The following PRH1 variants were observed in gnomAD, a reference collection of about 807,000 sequenced individuals.
PRH1 encodes salivary acidic proline-rich phosphoprotein 1/2.
In PRH1, 7 loss-of-function variants were observed where a neutral mutation model predicts 7.9. That is an observed-to-expected ratio of 0.89 (90% confidence interval 0.50 to 1.67). The LOEUF (loss-of-function observed/expected upper bound fraction) is 1.67, where lower values mean the gene tolerates loss of function less well. Among genes scored for constraint, PRH1 ranks in the 40% most tolerant of loss-of-function variants. The pLI is 0.00. For synonymous variants in PRH1, 45 were observed against 80.8 expected (o/e 0.56, Z 2.38); for missense variants, 109 against 223.6 (o/e 0.49, Z 3.27).
intron 1 of PRH1, among the ~76,000 whole-genome samples, chr12:11,099,962 C>T (rs533977167): frequency 1.3e-5 from 2 of 152,238 alleles, no homozygotes; most frequent in East Asian, 3.9e-4. Flanking sequence ...CTGCGCTTGG[C>T]AGATAACATC....
Position 11,088,351 on chromosome 12 carries a change from C to CAAT in PRH1, n.124-41166_124-41164dup, listed in dbSNP as rs749481047. ...ATGAGACCCTGTCTCAAAATAATAGCAATAATAATAATAATATATTACTTG... is the reference window on the plus strand; with the variant it reads ...ATGAGACCCTGTCTCAAAATAATAGCAATAATAATAATAATAATATATTACTTG... On this transcript the variant is annotated intron_variant and non_coding_transcript_variant, in intron 1 of 4. Transcript: ENST00000541977. Among the ~76,000 whole-genome samples the CAAT allele has an allele frequency of 3.8e-4, 38 of 99,892 alleles. 2 individuals are homozygous for CAAT. The East Asian group carries it at 5.6e-3, about 15-fold the overall frequency. The allele number at this position is 99,892 out of a possible 152,430, so 65.5% of individuals were successfully genotyped here. A position where few individuals can be genotyped will look rare whatever the true frequency, so the allele number is the denominator to read the frequency against.
intron 2 of PRH1, among the ~76,000 whole-genome samples, chr12:10,967,041 G>A (rs550889695): frequency 3.3e-5 from 5 of 150,920 alleles, no homozygotes; most frequent in Non-Finnish European, 7.4e-5. Context: ...TGTGAACCCC[G>A]GAGGCGGAGC....
At chr12:10,991,495 G>A (rs12311627) in intron 1 of PRH1, among the ~76,000 whole-genome samples, 43,966 of 151,790 alleles carry the variant, frequency 0.29, 8,225 homozygotes, top group East Asian at 0.74. Flanking sequence ...TTGATGCTCC[G>A]ACCTTCTCCA....
In PRH1 at chr12:10,906,216, G is replaced by A. The variant is rs1198140468; in HGVS notation, c.-58-21941C>T. Among the ~76,000 whole-genome samples the A allele has an allele frequency of 7.2e-5, 11 of 152,200 alleles. No individual in the cohort carries two copies. In the South Asian group the frequency reaches 1.9e-3, roughly 26 times the overall value. On this transcript the variant is annotated intron_variant, in intron 2 of 3. Transcript: ENST00000539853. ...CACCAAAGAACCTGTTCTGACAGCA[G>A]AGAAAATGAAATTAGGCTTTCTGTC...
chr12:11,165,915 T>C (rs1217270479), intron 1 of PRH1, among the ~76,000 whole-genome samples: 1 of 152,240 alleles, frequency 6.6e-6, no homozygotes, highest in Non-Finnish European at 1.5e-5. Context: ...TCTCCCAGTA[T>C]AGTGGCATTG....
At chr12:11,097,219 T>A (rs2136274499) in intron 1 of PRH1, 3 of 259,944 alleles carry the variant, frequency 1.2e-5, no homozygotes, top group Admixed American at 4.8e-5. Flanking sequence ...ATAAGTAGAC[T>A]TTAAGTCCCA....
chr12:10,931,426 A>G (rs138161785), intron 2 of PRH1, among the ~76,000 whole-genome samples: 1 of 152,294 alleles, frequency 6.6e-6, no homozygotes, highest in East Asian at 1.9e-4. Context: ...CTTGTTCAGG[A>G]CAGGCTCAGT....
At chr12:10,881,407 G>A (rs1478515712) in intron 3 of PRH1, among the ~76,000 whole-genome samples, 3 of 152,184 alleles carry the variant, frequency 2.0e-5, no homozygotes, top group East Asian at 3.8e-4. Context: ...CAGTGACAGG[G>A]ATTGGTTAAA....
At chr12:11,058,947 C>T (rs1378049453) in intron 1 of PRH1, among the ~76,000 whole-genome samples, 1 of 152,172 alleles carries the variant, frequency 6.6e-6, no homozygotes, top group African/African-American at 2.4e-5. Flanking sequence ...CTCCTATTCC[C>T]CTGGCCAGCA....
At chr12:11,053,690 A>T (rs1362415291) in intron 1 of PRH1, among the ~76,000 whole-genome samples, 2 of 152,280 alleles carry the variant, frequency 1.3e-5, no homozygotes, top group African/African-American at 2.4e-5. Context: ...GTAGATGATG[A>T]TAATAATGAT....
chr12:11,113,850 G>A (rs1188441161), intron 1 of PRH1, among the ~76,000 whole-genome samples: 1 of 152,142 alleles, frequency 6.6e-6, no homozygotes, highest in African/African-American at 2.4e-5. Flanking sequence ...TGGAGGATAT[G>A]AGCAGACACT....
intron 2 of PRH1, chr12:10,973,375 G>A (rs1938926819): frequency 3.5e-6 from 1 of 287,282 alleles, no homozygotes; most frequent in Non-Finnish European, 6.4e-6. Flanking sequence ...TAATATAATT[G>A]TTTCTAAGAA....
chr12:10,887,182 T>C (rs1162045132), upstream of PRH1, among the ~76,000 whole-genome samples: 1 of 152,168 alleles, frequency 6.6e-6, no homozygotes, highest in Non-Finnish European at 1.5e-5. Flanking sequence ...GACTTCACCA[T>C]GCTCTAGTTT....
intron 2 of PRH1, among the ~76,000 whole-genome samples, chr12:10,934,938 A>G (rs1950265818): frequency 1.3e-5 from 2 of 152,216 alleles, no homozygotes; most frequent in Admixed American, 6.5e-5. Flanking sequence ...GGATAGAAGT[A>G]TAACATATAG....
chr12:11,066,295 G>C (rs548272478), intron 1 of PRH1, among the ~76,000 whole-genome samples: 1 of 152,204 alleles, frequency 6.6e-6, no homozygotes, highest in South Asian at 2.1e-4. Context: ...TTGACTATTT[G>C]GTCCTAAAAT....
intron 1 of PRH1, among the ~76,000 whole-genome samples, chr12:11,040,303 A>T (rs772269637): frequency 6.6e-6 from 1 of 152,210 alleles, no homozygotes; most frequent in Non-Finnish European, 1.5e-5. Flanking sequence ...CAAACTGCCA[A>T]GACAGGAAAC....
At chr12:10,949,626 CT>C (rs1342592248) in intron 2 of PRH1, among the ~76,000 whole-genome samples, 9 of 151,990 alleles carry the variant, frequency 5.9e-5, no homozygotes, top group African/African-American at 2.2e-4. Context: ...GTAGTTTTGG[CT>C]TAATTTTTTA....
intron 2 of PRH1, chr12:10,930,254 G>A (rs181827592): frequency 2.2e-4 from 358 of 1,612,466 alleles, no homozygotes; most frequent in Middle Eastern, 1.3e-3. Context: ...CCATCATCCT[G>A]TACTTCTTTT....
chr12:11,107,959 G>A (rs1945475749), intron 1 of PRH1, among the ~76,000 whole-genome samples: 1 of 152,230 alleles, frequency 6.6e-6, no homozygotes, highest in African/African-American at 2.4e-5. Flanking sequence ...TGTGGCAGCA[G>A]ACTTTTCAGT....
Sources: gnomAD v4.1 joint callset for allele counts (sites outside exome capture counted in the v4.1 genomes callset) on GRCh38, gnomAD v4.1.1 for gene constraint, MANE v1.5 for transcripts, NCBI Gene and HGNC (gene_info 2026-07-23, HGNC 2026-07-21) for gene names.